The following ELMO1 variants were observed in gnomAD, a reference collection of about 807,000 sequenced individuals.
ELMO1 encodes engulfment and cell motility protein 1.
ELMO1 carries 26 observed loss-of-function variants against 98.9 expected under a neutral mutation model. The ratio of observed to expected loss-of-function variants is 0.26; its 90% CI spans 0.19 to 0.36. The LOEUF (loss-of-function observed/expected upper bound fraction) is 0.36, where lower values mean the gene tolerates loss of function less well. Among genes scored for constraint, ELMO1 ranks in the 10% least tolerant of loss-of-function variants. The pLI is 1.00. For missense variants in ELMO1, 627 were observed against 935.2 expected, an observed-to-expected ratio of 0.67 and a Z score of 4.30; for synonymous variants, 346 against 346.0, an observed-to-expected ratio of 1.00 and a Z score of 0.00.
intron 14 of ELMO1, among the ~76,000 whole-genome samples, chr7:37,107,344 G>T (rs190424567): frequency 3.0e-4 from 46 of 152,296 alleles, no homozygotes; most frequent in African/African-American, 1.1e-3. Context: ...TTCATGGAGA[G>T]GGTGAGCCTT....
rs762482284 is a variant in ELMO1, at chr7:37,216,645, T to C, written c.831A>G (p.Thr277=). The C allele has an allele frequency of 3.7e-6, 6 of 1,614,034 alleles. No individual in the cohort carries two copies. The highest frequency in any genetic ancestry group is 5.1e-6 in the Non-Finnish European group (6 of 1,180,000). ...GAGGTCACAGCGCATAGGTACTCAC[T>C]GTTAAAATGATGGAACGCAGTTGCT... ...AQKQLRSIIL[T]HVIRAQRAIN... The change falls in exon 11 of 22, where the codon ACA becomes ACG. Residue 277 remains threonine, a splice_region_variant and synonymous_variant. Transcript: ENST00000310758.
chr7:37,152,642 C>A (rs1012640486), intron 13 of ELMO1, among the ~76,000 whole-genome samples: 1 of 152,082 alleles, frequency 6.6e-6, no homozygotes, highest in African/African-American at 2.4e-5. Flanking sequence ...GGGAAGCATA[C>A]ACTCAGATGG....
At chr7:37,201,547 T>C (rs1481178378) in intron 13 of ELMO1, among the ~76,000 whole-genome samples, 3 of 152,214 alleles carry the variant, frequency 2.0e-5, no homozygotes, top group Non-Finnish European at 2.9e-5. Flanking sequence ...GGGGGCCAGT[T>C]GCACATCCAA....
At chr7:37,053,150 G>A (rs923612133) in intron 15 of ELMO1, among the ~76,000 whole-genome samples, 43 of 152,078 alleles carry the variant, frequency 2.8e-4, no homozygotes, top group African/African-American at 1.0e-3. Flanking sequence ...TAGTACATAT[G>A]CACATGGCCA....
chr7:37,234,609 C>T (rs906525360), intron 7 of ELMO1, among the ~76,000 whole-genome samples: 6 of 152,168 alleles, frequency 3.9e-5, no homozygotes, highest in African/African-American at 1.4e-4. Flanking sequence ...CAGGGGTTCT[C>T]CCTTCAGCCC....
chr7:37,066,070 A>T (rs1003183583), intron 15 of ELMO1, among the ~76,000 whole-genome samples: 2 of 152,200 alleles, frequency 1.3e-5, no homozygotes, highest in Non-Finnish European at 2.9e-5. Context: ...CACGTAAGAC[A>T]TGACTTTGTT....
chr7:37,037,841 T>C (rs1265763991), intron 15 of ELMO1, among the ~76,000 whole-genome samples: 2 of 152,176 alleles, frequency 1.3e-5, no homozygotes, highest in Non-Finnish European at 2.9e-5. Context: ...CTTCAAGATA[T>C]TGTTAATCTG....
intron 2 of ELMO1, among the ~76,000 whole-genome samples, chr7:37,339,518 G>A (rs549640487): frequency 6.6e-6 from 1 of 152,346 alleles, no homozygotes; most frequent in African/African-American, 2.4e-5. Flanking sequence ...CATGCTATGG[G>A]AGAGAGGCAG....
At chr7:37,096,530 C>A in intron 15 of ELMO1, 89 bp downstream of exon 15, 9 of 1,100,678 alleles carry the variant, frequency 8.2e-6, no homozygotes, top group Non-Finnish European at 1.4e-6. Context: ...CTGTCGGCAT[C>A]TTGGGATTTC....
At chr7:36,860,618 T>C (rs1181569737) in intron 21 of ELMO1, among the ~76,000 whole-genome samples, 1 of 152,194 alleles carries the variant, frequency 6.6e-6, no homozygotes, top group Non-Finnish European at 1.5e-5. Flanking sequence ...CTATTTTAAG[T>C]AGTTTTGTAC....
rs1021594332 is a variant in ELMO1, at chr7:37,342,045, A to G, written c.78+568T>C. 8.5e-5 allele frequency among the ~76,000 whole-genome samples: 13 copies of G among 152,192 alleles called. No homozygotes were observed. Among genetic ancestry groups the G allele is most frequent in the African/African-American group, 3.1e-4 (13 of 41,446 alleles). ...AGTCTTCTTGATATTTTTTAATTCA[A>G]TAAACATTTGTTGAGTATTTACTAC... On this transcript the variant is annotated intron_variant, in intron 2 of 21. Transcript: ENST00000310758. The surrounding 1 kb of genome is among the most constrained non-coding windows in gnomAD (Gnocchi z 4.3).
intron 16 of ELMO1, among the ~76,000 whole-genome samples, chr7:36,924,462 CA>C (rs996961466): frequency 6.6e-6 from 1 of 152,016 alleles, no homozygotes; most frequent in African/African-American, 2.4e-5. Context: ...CAATGCTGTA[CA>C]AAAAAATAGA....
rs1445290797 is a variant in ELMO1, at chr7:37,416,536, T to G, written c.-74+32139A>C. 3.3e-5 allele frequency among the ~76,000 whole-genome samples: 5 copies of G among 152,190 alleles called. No individual in the cohort carries two copies. In the East Asian group the frequency reaches 7.7e-4, roughly 23 times the overall value. On this transcript the variant is annotated intron_variant, in intron 1 of 21. Coordinates refer to ENST00000310758, the MANE Select transcript of ELMO1 (RefSeq NM_014800.11). The stretch of plus-strand genomic sequence containing the variant: ...CACGCACAGACCACAGTATGAATGA[T>G]GCCCCTGGAACTGGATAATGCATAA...
At chr7:37,058,142 C>T (rs7779582) in intron 15 of ELMO1, among the ~76,000 whole-genome samples, 12,744 of 152,202 alleles carry the variant, frequency 0.084, 766 homozygotes, top group African/African-American at 0.17. Flanking sequence ...AGTGAAACTC[C>T]ACTCCAGGCT....
chr7:37,264,885 TC>T (rs2130820185), intron 5 of ELMO1, among the ~76,000 whole-genome samples: 1 of 152,314 alleles, frequency 6.6e-6, no homozygotes, highest in South Asian at 2.1e-4. Flanking sequence ...CTAGCATAAC[TC>T]TGGATCCATG....
intron 15 of ELMO1, among the ~76,000 whole-genome samples, chr7:37,030,406 C>T (rs1420247514): frequency 6.6e-6 from 1 of 151,644 alleles, no homozygotes; most frequent in African/African-American, 2.4e-5. Context: ...ATTTTATAAA[C>T]ACTTGCCAAT....
chr7:37,413,373 A>T (rs1174310106), intron 1 of ELMO1, among the ~76,000 whole-genome samples: 1 of 152,190 alleles, frequency 6.6e-6, no homozygotes, highest in Non-Finnish European at 1.5e-5. Context: ...GACCAGACTG[A>T]AAGACCAGGA....
chr7:36,986,787 G>C (rs568479577), intron 16 of ELMO1, among the ~76,000 whole-genome samples: 1 of 152,234 alleles, frequency 6.6e-6, no homozygotes, highest in East Asian at 1.9e-4. Context: ...ATGCACACCA[G>C]GGGTGCTCAC....
intron 14 of ELMO1, among the ~76,000 whole-genome samples, chr7:37,098,524 T>C (rs1311751009): frequency 6.6e-6 from 1 of 152,294 alleles, no homozygotes; most frequent in African/African-American, 2.4e-5. Flanking sequence ...TGTCAAGGTA[T>C]GTGAGAAAGA....
Sources: allele counts gnomAD v4.1 joint callset (sites outside exome capture counted in the v4.1 genomes callset), GRCh38; gene constraint gnomAD v4.1.1; non-coding constraint Gnocchi (gnomAD v3.1); transcripts MANE v1.5; gene names NCBI Gene and HGNC (gene_info 2026-07-23, HGNC 2026-07-21).